LRRC4B: variants seen among roughly 807,000 people sequenced by gnomAD.
LRRC4B encodes the protein leucine rich repeat containing 4B.
A neutral mutation model predicts 7.3 loss-of-function variants in LRRC4B; 1 was observed. The observed-to-expected ratio is 0.14, with a 90% CI of 0.05 to 0.65. The LOEUF is 0.65. Among genes scored for constraint, LRRC4B ranks in the 30% least tolerant of loss-of-function variants. The pLI is 0.84. For missense variants in LRRC4B, 730 were observed against 1,041.6 expected, an observed-to-expected ratio of 0.70 and a Z score of 4.12; for synonymous variants, 500 against 499.2, an observed-to-expected ratio of 1.00 and a Z score of -0.02.
rs1330904751 is a variant in LRRC4B, at chr19:50,553,104, C to A, written c.-35-4231G>T. Among the ~76,000 whole-genome samples, 1 of 152,160 alleles carries A rather than the reference C, an allele frequency of 6.6e-6. No homozygotes were observed. Among genetic ancestry groups the A allele is most frequent in the Non-Finnish European group, 1.5e-5 (1 of 68,032 alleles). On this transcript the variant is annotated intron_variant, in intron 1 of 2. Coordinates refer to ENST00000652263, the MANE Select transcript of LRRC4B (RefSeq NM_001080457.2). The surrounding 1 kb of genome is among the most constrained non-coding windows in gnomAD (Gnocchi z 4.2). ...AAGAGTTCTGTCTTCACAACATATGCGGAATCAGACCCCAGAATCAGAGGA... is the reference window on the plus strand; with the variant it reads ...AAGAGTTCTGTCTTCACAACATATGAGGAATCAGACCCCAGAATCAGAGGA...
At chr19:50,540,575 C>T (rs985310135) in intron 2 of LRRC4B, among the ~76,000 whole-genome samples, 1 of 151,908 alleles carries the variant, frequency 6.6e-6, no homozygotes, top group Non-Finnish European at 1.5e-5. Flanking sequence ...AGGCTGGTCT[C>T]GAACTCGTGA....
intron 2 of LRRC4B, among the ~76,000 whole-genome samples, chr19:50,547,804 A>G (rs1322890059): frequency 1.3e-5 from 2 of 151,528 alleles, no homozygotes; most frequent in African/African-American, 4.9e-5. Flanking sequence ...TGTCCCCCCA[A>G]GCCCTCGCTT....
rs1007259460 is a variant in LRRC4B at position 50,525,599 on chromosome 19, A to G, written c.298-6184T>C. ...TTTTGTATTTTTTTTTTTTTTTTTT[A>G]GTAGAGACGAGGGTTTTATCATGTT... is the stretch of plus-strand genomic sequence containing the variant. On this transcript the variant is annotated intron_variant, in intron 2 of 2. Coordinates refer to ENST00000652263, the MANE Select transcript of LRRC4B (RefSeq NM_001080457.2). Among the ~76,000 whole-genome samples, 511 of 120,950 alleles carry G rather than the reference A, an allele frequency of 4.2e-3. 5 individuals are homozygous for G. Among genetic ancestry groups the G allele is most frequent in the African/African-American group, 0.016 (486 of 31,244 alleles). The allele number at this position is 120,950 out of a possible 152,430, so 79.3% of individuals were successfully genotyped here. A position where few individuals can be genotyped will look rare whatever the true frequency, so the allele number is the denominator to read the frequency against.
rs190677707 is a variant in LRRC4B at position 50,534,106 on chromosome 19, T to A, written c.297+14436A>T. Among the ~76,000 whole-genome samples the A allele has an allele frequency of 4.6e-5, 7 of 152,326 alleles. No individual in the cohort carries two copies. The East Asian group carries it at 1.3e-3, about 29-fold the overall frequency. On this transcript the variant is annotated intron_variant, in intron 2 of 2. Coordinates refer to ENST00000652263, the MANE Select transcript of LRRC4B (RefSeq NM_001080457.2). ...ATGTGTCAAGTGTCATACTGGGCTC[T>A]GGGGATCCAGCTGTGGACAAGACAG...
chr19:50,549,021 G>A (rs1981942663), intron 1 of LRRC4B, 148 bp from the exon 2 acceptor site: 1 of 570,868 alleles, frequency 1.8e-6, no homozygotes, highest in Non-Finnish European at 3.1e-6. Context: ...AGCTGCCGAT[G>A]GACCCACCCA....
intron 2 of LRRC4B, among the ~76,000 whole-genome samples, chr19:50,543,933 T>G (rs1181094773): frequency 3.4e-5 from 5 of 145,716 alleles, no homozygotes; most frequent in African/African-American, 1.3e-4. Context: ...TGGCTGGGTG[T>G]GGTGGCTTGG....
chr19:50,565,063 C>A (rs936217822), intron 1 of LRRC4B, among the ~76,000 whole-genome samples: 11 of 152,138 alleles, frequency 7.2e-5, no homozygotes, highest in South Asian at 4.1e-4. Flanking sequence ...CTGAGGAGCC[C>A]CGTGGCGAGA....
At position 50,548,604 on chromosome 19, in the gene LRRC4B, C is replaced by T. The variant is rs755494227; in HGVS notation, c.235G>A (p.Glu79Lys). The change falls in exon 2 of 3, where the codon GAG becomes AAG. Residue 79 changes from glutamate (E) to lysine (K), a missense_variant. By Grantham distance (56) the Glu-to-Lys change is moderately conservative (BLOSUM62 1). Transcript: ENST00000652263. The surrounding 1 kb of genome is among the most constrained non-coding windows in gnomAD (Gnocchi z 6.8). ...RVICTRRDLAEVPASIPVNTR... is the reference protein window; with the variant it reads ...RVICTRRDLAKVPASIPVNTR... ...TTGACCGGGATGCTGGCTGGGACCT[C>T]GGCCAGGTCTCTCCGTGTGCAGATC... 8.1e-6 allele frequency: 13 copies of T among 1,601,450 alleles called. No homozygotes were observed. Among genetic ancestry groups the T allele is most frequent in the Admixed American group, 1.7e-5 (1 of 59,098 alleles).
intron 2 of LRRC4B, among the ~76,000 whole-genome samples, chr19:50,546,106 G>A (rs1475146849): frequency 1.3e-5 from 2 of 151,888 alleles, no homozygotes; most frequent in Non-Finnish European, 2.9e-5. Flanking sequence ...AGGCCGAGGC[G>A]GGTGGATCAC....
chr19:50,548,796 C>T lies in LRRC4B; in HGVS notation c.43G>A (p.Gly15Ser), dbSNP rs1253896214. Reference protein sequence around the residue: ...RGSPCPPLPPGRMSWPHGALL... With the variant: ...RGSPCPPLPPSRMSWPHGALL... ...GCCCCGTGGGGCCAGGACATCCTAC[C>T]GGGCGGCAGCGGGGGGCACGGGGAG... The change falls in exon 2 of 3, where the codon GGT becomes AGT. Residue 15 changes from glycine to serine, a missense_variant. Coordinates refer to ENST00000652263, the MANE Select transcript of LRRC4B (RefSeq NM_001080457.2). This position sits in a 1 kb window ranked among gnomAD's most constrained non-coding sequence, Gnocchi z 6.8. 15 of 1,504,712 alleles carry T rather than the reference C, an allele frequency of 1.0e-5. No homozygotes were observed. The East Asian group carries it at 1.5e-4, about 15-fold the overall frequency. The allele number at this position is 1,504,712 out of a possible 1,614,324, so 93.2% of individuals were successfully genotyped here.
chr19:50,544,647 G>A (rs995021958), intron 2 of LRRC4B, among the ~76,000 whole-genome samples: 4 of 152,216 alleles, frequency 2.6e-5, no homozygotes, highest in Non-Finnish European at 4.4e-5. Context: ...CAAAGCGAAG[G>A]AGAGCTACCC....
intron 1 of LRRC4B, among the ~76,000 whole-genome samples, chr19:50,565,061 C>T (rs760211554): frequency 2.2e-4 from 33 of 152,168 alleles, no homozygotes; most frequent in Non-Finnish European, 4.0e-4. Context: ...CCCTGAGGAG[C>T]CCCGTGGCGA....
At position 50,543,314 on chromosome 19, in the gene LRRC4B, A is replaced by G. The variant is rs1201789325; in HGVS notation, c.297+5228T>C. On this transcript the variant is annotated intron_variant, in intron 2 of 2. Coordinates refer to ENST00000652263, the MANE Select transcript of LRRC4B (RefSeq NM_001080457.2). The stretch of plus-strand genomic sequence containing the variant: ...CCCCAGAATTCAGCCTGCCGCTACC[A>G]ATGCTCCAGTGCCAGGCCCTGGTGT... 3.4e-5 allele frequency among the ~76,000 whole-genome samples: 5 copies of G among 147,290 alleles called. No homozygotes were observed. The East Asian group carries it at 5.9e-4, about 17-fold the overall frequency.
At position 50,517,643 on chromosome 19, in the gene LRRC4B, G is replaced by A. The variant is rs765737008; in HGVS notation, c.2070C>T (p.Gly690=). Reference sequence around the variant, plus strand: ...GCAGAGGTTCGTGGATGGAGTTGAGGCCAGGCGGGCCTTTGCCCCCGCAGC... The same window carrying A: ...GCAGAGGTTCGTGGATGGAGTTGAGACCAGGCGGGCCTTTGCCCCCGCAGC... The part of the protein sequence containing the change: ...GGGCGGKGPP[G]LNSIHEPLLF... The change falls in exon 3 of 3, where the codon GGC becomes GGT. Residue 690 remains glycine, a synonymous_variant. Transcript: ENST00000652263. This position sits in a 1 kb window ranked among gnomAD's most constrained non-coding sequence, Gnocchi z 6.6. The A allele has an allele frequency of 3.3e-6, 5 of 1,501,220 alleles. No homozygotes were observed. The highest frequency in any genetic ancestry group is 4.4e-6 in the Non-Finnish European group (5 of 1,129,170). 93.0% of individuals were successfully genotyped at this position (1,501,220 alleles called of 1,614,324 possible).
At chr19:50,528,110 A>C (rs925937831) in intron 2 of LRRC4B, among the ~76,000 whole-genome samples, 2 of 151,220 alleles carry the variant, frequency 1.3e-5, no homozygotes, top group Non-Finnish European at 2.9e-5. Flanking sequence ...TGCTGTGATC[A>C]TAACTCACTG....
At position 50,548,569 on chromosome 19, in the gene LRRC4B, G is replaced by A; in HGVS notation, c.270C>T (p.Tyr90=). Residue 90 remains tyrosine (Y), a synonymous_variant, in exon 2 of 3, where the codon TAC becomes TAT. Coordinates refer to ENST00000652263, the MANE Select transcript of LRRC4B (RefSeq NM_001080457.2). The surrounding 1 kb of genome is among the most constrained non-coding windows in gnomAD (Gnocchi z 6.8). The part of the protein sequence containing the change: ...VPASIPVNTR[Y]LNLQENGIQV... ...GGATGCCGTTCTCTTGCAGGTTCAG[G>A]TACCGCGTGTTGACCGGGATGCTGG... The A allele has an allele frequency of 6.2e-7, 1 of 1,601,182 alleles. No individual in the cohort carries two copies. The highest frequency in any genetic ancestry group is 1.1e-5 in the South Asian group (1 of 90,228).
rs566915140 is a variant in LRRC4B at position 50,521,244 on chromosome 19, C to A, written c.298-1829G>T. Among the ~76,000 whole-genome samples, 6 of 152,128 alleles carry A rather than the reference C, an allele frequency of 3.9e-5. No homozygotes were observed. In the South Asian group the frequency reaches 1.2e-3, roughly 32 times the overall value. On this transcript the variant is annotated intron_variant, in intron 2 of 2. Transcript: ENST00000652263. ...CCATGCTCTGGGTGTTCTAAGTGTG[C>A]GTCTCTGCGTGTGTGGGCAGGTGAG...
rs1053954558 is a variant in LRRC4B, at chr19:50,553,450, G to A, written c.-35-4577C>T. Among the ~76,000 whole-genome samples the A allele has an allele frequency of 1.1e-4, 17 of 152,136 alleles. No homozygotes were observed. Among genetic ancestry groups the A allele is most frequent in the Admixed American group, 1.0e-3 (16 of 15,272 alleles). ...TCACTCGCTGTTTCCAGAACAGGCC[G>A]TGCACACCCCGGCCCCAGGGCCTTT... On this transcript the variant is annotated intron_variant, in intron 1 of 2. Coordinates refer to ENST00000652263, the MANE Select transcript of LRRC4B (RefSeq NM_001080457.2). The surrounding 1 kb of genome is among the most constrained non-coding windows in gnomAD (Gnocchi z 4.2).
intron 2 of LRRC4B, among the ~76,000 whole-genome samples, chr19:50,527,151 G>C (rs1196920185): frequency 5.3e-5 from 8 of 151,632 alleles, no homozygotes; most frequent in Non-Finnish European, 8.8e-5. Context: ...TCCTGCCTCA[G>C]CCTCCCGAGT....
Sources: allele counts gnomAD v4.1 joint callset (sites outside exome capture counted in the v4.1 genomes callset), GRCh38; gene constraint gnomAD v4.1.1; non-coding constraint Gnocchi (gnomAD v3.1); transcripts MANE v1.5; gene names NCBI Gene and HGNC (gene_info 2026-07-23, HGNC 2026-07-21).